Variants in SLC66A3 observed in about 807,000 individuals in gnomAD.
SLC66A3 encodes the protein solute carrier family 66 member 3.
In SLC66A3, 23 loss-of-function variants were observed where a neutral mutation model predicts 25.5. The ratio of observed to expected loss-of-function variants is 0.90; its 90% CI spans 0.65 to 1.28. The LOEUF (loss-of-function observed/expected upper bound fraction) is 1.28. Ranked by LOEUF, SLC66A3 falls within the 50% of genes most tolerant of loss-of-function variation. The probability of loss-of-function intolerance (pLI) is 0.00; values close to 1 mark genes in which losing one functional copy is unlikely to be tolerated. For synonymous variants in SLC66A3, 108 were observed against 112.6 expected (o/e 0.96, Z 0.26); for missense variants, 246 against 262.1 (o/e 0.94, Z 0.42).
At chr2:11,166,508 T>C (rs1488936170) in intron 4 of SLC66A3, among the ~76,000 whole-genome samples, 1 of 152,228 alleles carries the variant, frequency 6.6e-6, no homozygotes, top group Non-Finnish European at 1.5e-5. Flanking sequence ...GTTACATTTC[T>C]GTTACATTTC....
chr2:11,159,682 G>A (rs1662043029), intron 1 of SLC66A3, among the ~76,000 whole-genome samples: 1 of 152,160 alleles, frequency 6.6e-6, no homozygotes, highest in Non-Finnish European at 1.5e-5. Context: ...TGACCTGAGT[G>A]GTCTGAACAC....
At chr2:11,176,188 G>A (rs878971634) in intron 6 of SLC66A3, among the ~76,000 whole-genome samples, 2 of 152,150 alleles carry the variant, frequency 1.3e-5, no homozygotes, top group African/African-American at 4.8e-5. Context: ...GTTCTTGAAA[G>A]TGATCAGTAT....
intron 6 of SLC66A3, among the ~76,000 whole-genome samples, chr2:11,176,508 G>A (rs1411773883): frequency 6.8e-6 from 1 of 147,270 alleles, no homozygotes; most frequent in Admixed American, 6.9e-5. Context: ...GTGCCACCGC[G>A]CCCGGCCTGG....
intron 4 of SLC66A3, 124 bp from the exon 5 acceptor site, chr2:11,171,801 C>T (rs563961622): frequency 1.5e-5 from 14 of 917,174 alleles, no homozygotes; most frequent in Non-Finnish European, 2.0e-5. Context: ...ATCTCCTGAC[C>T]TCATGATCTG....
intron 3 of SLC66A3, among the ~76,000 whole-genome samples, chr2:11,162,287 G>A (rs11689002): frequency 0.22 from 33,197 of 152,184 alleles, 4,573 homozygotes; most frequent in South Asian, 0.31. Flanking sequence ...TTCTGTCTGC[G>A]GAAAGAGGGA....
At chr2:11,175,037 T>TTTGAG in intron 6 of SLC66A3, 28 bp downstream of exon 6, 1 of 1,560,376 alleles carries the variant, frequency 6.4e-7, no homozygotes. Flanking sequence ...TCACTTCCTT[T>TTTGAG]TTGAGTTTTG....
chr2:11,168,222 T>C (rs1445015496), intron 4 of SLC66A3, among the ~76,000 whole-genome samples: 5 of 151,404 alleles, frequency 3.3e-5, no homozygotes, highest in Admixed American at 2.6e-4. Flanking sequence ...GAGGCAGAGG[T>C]TGCAGTGAGC....
In SLC66A3 at chr2:11,172,044, A is replaced by G. The variant is rs142367205; in HGVS notation, c.474A>G (p.Ala158=). ...GGAGCCTCTCTTCCTATACCTGTGCAAGTAAGAACCGGACTCACATGGTGG... is the reference window on the plus strand; with the variant it reads ...GGAGCCTCTCTTCCTATACCTGTGCGAGTAAGAACCGGACTCACATGGTGG... ...LTWSLSSYTC[A]TRIITTLMTT... is the part of the protein sequence containing the mutation. The change falls in exon 5 of 7, where the codon GCA becomes GCG. Residue 158 remains alanine, a splice_region_variant and synonymous_variant. Transcript: ENST00000295083. 1 of 1,613,902 alleles carries G rather than the reference A, an allele frequency of 6.2e-7. No homozygotes were observed. Among genetic ancestry groups the G allele is most frequent in the Admixed American group, 1.7e-5 (1 of 59,994 alleles).
At chr2:11,171,868 T>C in intron 4 of SLC66A3, 57 bp from the exon 5 acceptor site, 1 of 1,602,376 alleles carries the variant, frequency 6.2e-7, no homozygotes, top group Non-Finnish European at 8.5e-7. Flanking sequence ...GCACCTGGCC[T>C]CTTTTGCTTT....
chr2:11,161,958 G>C (rs1662145185), intron 3 of SLC66A3, among the ~76,000 whole-genome samples: 1 of 152,258 alleles, frequency 6.6e-6, no homozygotes, highest in Non-Finnish European at 1.5e-5. Flanking sequence ...CAGGCCATGA[G>C]AATGTGGGTG....
At chr2:11,159,505 T>C (rs1238636438) in intron 1 of SLC66A3, among the ~76,000 whole-genome samples, 1 of 152,168 alleles carries the variant, frequency 6.6e-6, no homozygotes, top group Non-Finnish European at 1.5e-5. Flanking sequence ...TGACCTCCTC[T>C]GACTCCGCCC....
At chr2:11,164,605 C>T (rs182720524) in intron 4 of SLC66A3, among the ~76,000 whole-genome samples, 11,298 of 148,280 alleles carry the variant, frequency 0.076, 633 homozygotes, top group African/African-American at 0.16. Context: ...GGCAGGGTCA[C>T]AGGACAATAG....
rs1406296807 is a variant in SLC66A3, at chr2:11,178,441, T to G, written c.*613T>G. On this transcript the variant is annotated 3_prime_UTR_variant, in exon 7 of 7. Transcript: ENST00000295083. ...CAGTCCTTCAACTTTGCACTGTGCC[T>G]TAAGTAATTACTAACAAAAGGTACT... The G allele has an allele frequency of 6.6e-6, 1 of 152,662 alleles. No individual in the cohort carries two copies. The highest frequency in any genetic ancestry group is 1.5e-5 in the Non-Finnish European group (1 of 68,052). 9.5% of individuals were successfully genotyped at this position (152,662 alleles called of 1,614,324 possible).
At chr2:11,169,738 CT>C (rs1482405232) in intron 4 of SLC66A3, among the ~76,000 whole-genome samples, 1 of 152,046 alleles carries the variant, frequency 6.6e-6, no homozygotes, top group African/African-American at 2.4e-5. Context: ...CCCTGCCCCT[CT>C]CCCACCTTCA....
chr2:11,157,966 G>A (rs568115740), intron 1 of SLC66A3, among the ~76,000 whole-genome samples: 7 of 152,276 alleles, frequency 4.6e-5, no homozygotes, highest in Admixed American at 2.6e-4. Context: ...CATGGACTGC[G>A]GCCCTCCCAC....
intron 6 of SLC66A3, among the ~76,000 whole-genome samples, chr2:11,175,618 G>T (rs1307535063): frequency 6.6e-6 from 1 of 152,228 alleles, no homozygotes; most frequent in African/African-American, 2.4e-5. Flanking sequence ...AAAACAGTAG[G>T]AAGGCTCTGG....
chr2:11,155,756 A>T (rs1661873700), intron 1 of SLC66A3, 67 bp downstream of exon 1: 6 of 1,292,012 alleles, frequency 4.6e-6, no homozygotes, highest in Non-Finnish European at 3.9e-6. Flanking sequence ...GGAGCCCAGG[A>T]GAGCCTCGGC....
At position 11,177,859 on chromosome 2, in the gene SLC66A3, T is replaced by A; in HGVS notation, c.*31T>A. ...ACATTATTCCTTCACACAGTGGATT[T>A]TGAGTAACTGAACCAAAGGAAAAAG... On this transcript the variant is annotated 3_prime_UTR_variant, in exon 7 of 7. Transcript: ENST00000295083. 1 of 1,293,600 alleles carries A rather than the reference T, an allele frequency of 7.7e-7. No homozygotes were observed. 80.1% of individuals were successfully genotyped at this position (1,293,600 alleles called of 1,614,324 possible).
rs145348720 is a variant in SLC66A3 at position 11,160,498 on chromosome 2, A to T, written c.176A>T (p.Tyr59Phe). 6.2e-7 allele frequency: 1 copy of T among 1,614,002 alleles called. No individual in the cohort carries two copies. The highest frequency in any genetic ancestry group is 8.5e-7 in the Non-Finnish European group (1 of 1,180,006). ...GTGTTTCTGCGGTACCAGTGTTACT[A>T]TGGGTATCCGCCGCTGACCTACCTG... is the stretch of plus-strand genomic sequence containing the variant. ...FLVFLRYQCY[Y>F]GYPPLTYLEY... Residue 59 changes from tyrosine (Y) to phenylalanine (F), a missense_variant, in exon 2 of 7, where the codon TAT becomes TTT. By Grantham distance (22) the Tyr-to-Phe change is conservative. This residue lies in a region of SLC66A3 where 142 missense variants were observed against 130.3 expected (regional missense o/e 1.09). Coordinates refer to ENST00000295083, the MANE Select transcript of SLC66A3 (RefSeq NM_152391.5).
Sources: gnomAD v4.1 joint callset for allele counts (sites outside exome capture counted in the v4.1 genomes callset) on GRCh38, gnomAD v4.1.1 for gene constraint, gnomAD v4.1.1 regional missense constraint, MANE v1.5 for transcripts, NCBI Gene and HGNC (gene_info 2026-07-23, HGNC 2026-07-21) for gene names.